The following NSUN6 variants were observed in gnomAD, a reference collection of about 807,000 sequenced individuals.
NSUN6 encodes tRNA (cytosine(72)-C(5))-methyltransferase NSUN6.
Under a neutral mutation model 58.0 loss-of-function variants are expected in NSUN6, and 64 were observed. The observed-to-expected ratio is 1.10, with a 90% confidence interval of 0.90 to 1.36. The LOEUF (loss-of-function observed/expected upper bound fraction) is 1.36, where lower values mean the gene tolerates loss of function less well. Ranked by LOEUF, NSUN6 falls within the 40% of genes most tolerant of loss-of-function variation. The probability of loss-of-function intolerance (pLI) is 0.00; values close to 1 mark genes in which losing one functional copy is unlikely to be tolerated. For synonymous variants in NSUN6, 231 were observed against 193.9 expected, an observed-to-expected ratio of 1.19 and a Z score of -1.59; for missense variants, 701 against 550.1, an observed-to-expected ratio of 1.27 and a Z score of -2.74.
At chr10:18,615,007 A>T (rs1480699458) in intron 4 of NSUN6, among the ~76,000 whole-genome samples, 1 of 152,016 alleles carries the variant, frequency 6.6e-6, no homozygotes, top group Non-Finnish European at 1.5e-5. Flanking sequence ...AAAATCCTTC[A>T]AAGAAATATT....
At chr10:18,600,461 T>TA (rs1240024437) in intron 6 of NSUN6, among the ~76,000 whole-genome samples, 5 of 151,634 alleles carry the variant, frequency 3.3e-5, no homozygotes, top group African/African-American at 9.7e-5. Context: ...CTCATCTCTA[T>TA]AAAAAAATAA....
intron 8 of NSUN6, among the ~76,000 whole-genome samples, chr10:18,569,813 TATTCCATTCTCCATACC>T (rs1189663638): frequency 9.4e-5 from 14 of 148,840 alleles, no homozygotes; most frequent in Admixed American, 1.3e-4. Context: ...TTCCATTCTC[TATTCCATTCTCCATACC>T]ATTCCATTCT....
intron 3 of NSUN6, among the ~76,000 whole-genome samples, chr10:18,618,390 T>C (rs2058485997): frequency 6.6e-6 from 1 of 152,092 alleles, no homozygotes; most frequent in African/African-American, 2.4e-5. Flanking sequence ...TCATTAAAAA[T>C]ATAAATGCTG....
At chr10:18,632,234 C>T (rs1277575358) in intron 3 of NSUN6, among the ~76,000 whole-genome samples, 1 of 151,786 alleles carries the variant, frequency 6.6e-6, no homozygotes, top group Admixed American at 6.6e-5. Flanking sequence ...CCCTTCCTTA[C>T]ACCTTATACA....
intron 7 of NSUN6, among the ~76,000 whole-genome samples, chr10:18,594,463 T>G (rs1051986088): frequency 1.3e-5 from 2 of 152,078 alleles, no homozygotes; most frequent in Non-Finnish European, 2.9e-5. Flanking sequence ...TTTTGTTTTT[T>G]TTTGAGACGG....
At chr10:18,622,303 C>T (rs942992407) in intron 3 of NSUN6, among the ~76,000 whole-genome samples, 1 of 152,184 alleles carries the variant, frequency 6.6e-6, no homozygotes, top group African/African-American at 2.4e-5. Context: ...ATCTGCATCG[C>T]AGAAGAGGGC....
At chr10:18,570,764 C>CCATTCCACGCTCCCTT (rs1554855646) in intron 8 of NSUN6, among the ~76,000 whole-genome samples, 1 of 149,914 alleles carries the variant, frequency 6.7e-6, no homozygotes, top group African/African-American at 2.4e-5. Context: ...ATTCTCCATT[C>CCATTCCACGCTCCCTT]CATTCCATGC....
upstream of NSUN6, chr10:18,658,802 A>G (rs527968158): frequency 5.4e-5 from 10 of 186,526 alleles, no homozygotes; most frequent in African/African-American, 7.1e-5. Context: ...CAGGAAATTG[A>G]GTCCCCCTGG....
chr10:18,548,357 G>A (rs1358473494), intron 9 of NSUN6, 120 bp from the exon 10 acceptor site: 16 of 802,460 alleles, frequency 2.0e-5, no homozygotes, highest in Non-Finnish European at 2.5e-5. Flanking sequence ...GATGTTCTAT[G>A]TGACAAGGAT....
chr10:18,626,959 G>T (rs140838439), intron 3 of NSUN6, among the ~76,000 whole-genome samples: 258 of 152,296 alleles, frequency 1.7e-3, no homozygotes, highest in African/African-American at 5.9e-3. Flanking sequence ...CGAATTGAGA[G>T]AATACAGAAA....
chr10:18,568,556 TCCTTTCCATTCCATTCC>T (rs1274075315), intron 8 of NSUN6, among the ~76,000 whole-genome samples: 4 of 150,912 alleles, frequency 2.7e-5, no homozygotes, highest in Non-Finnish European at 4.4e-5. Context: ...CAATCCATTC[TCCTTTCCATTCCATTCC>T]CCTTTCCATT....
chr10:18,630,702 C>T (rs942004876), intron 3 of NSUN6, among the ~76,000 whole-genome samples: 8 of 152,076 alleles, frequency 5.3e-5, no homozygotes, highest in African/African-American at 1.9e-4. Context: ...AAGACTAAAC[C>T]AGGAAGAAGT....
At chr10:18,614,303 C>T (rs570456581) in intron 5 of NSUN6, among the ~76,000 whole-genome samples, 157 bp downstream of exon 5, 1 of 151,256 alleles carries the variant, frequency 6.6e-6, no homozygotes, top group East Asian at 1.9e-4. Context: ...TTTGACCAAA[C>T]ATCATGGAAA....
intron 2 of NSUN6, among the ~76,000 whole-genome samples, chr10:18,644,592 T>G (rs1166295781): frequency 5.3e-5 from 8 of 151,724 alleles, no homozygotes; most frequent in Admixed American, 5.3e-4. Context: ...ATCCCAGCAC[T>G]TTGGGAGGCC....
chr10:18,652,241 T>A, upstream of NSUN6: 3 of 984,196 alleles, frequency 3.0e-6, no homozygotes, highest in South Asian at 4.7e-5. Flanking sequence ...TTTTTCATCA[T>A]AAGCAGACAA....
intron 2 of NSUN6, among the ~76,000 whole-genome samples, chr10:18,644,699 G>C (rs1270777142): frequency 6.6e-6 from 1 of 151,810 alleles, no homozygotes; most frequent in African/African-American, 2.4e-5. Flanking sequence ...AATTAGCCGG[G>C]TGTGGTGGCG....
chr10:18,568,618 C>T (rs1000897919), intron 8 of NSUN6, among the ~76,000 whole-genome samples: 1 of 151,176 alleles, frequency 6.6e-6, no homozygotes, highest in African/African-American at 2.4e-5. Context: ...CCATTGCATT[C>T]CATTCTCCAT....
At chr10:18,582,972 T>C (rs998379011) in intron 8 of NSUN6, among the ~76,000 whole-genome samples, 2 of 152,160 alleles carry the variant, frequency 1.3e-5, no homozygotes, top group Non-Finnish European at 2.9e-5. Context: ...GAGACGAAGC[T>C]CAGCCATTAT....
intron 8 of NSUN6, among the ~76,000 whole-genome samples, chr10:18,574,269 A>C (rs372779864): frequency 1.1e-3 from 169 of 152,238 alleles, no homozygotes; most frequent in South Asian, 7.5e-3. Context: ...GAGAGCAAGC[A>C]CGCCTCACCA....
Sources: gnomAD v4.1 joint callset for allele counts (sites outside exome capture counted in the v4.1 genomes callset) on GRCh38, gnomAD v4.1.1 for gene constraint, MANE v1.5 for transcripts, NCBI Gene and HGNC (gene_info 2026-07-23, HGNC 2026-07-21) for gene names.